FBXL17: variants seen among roughly 807,000 people sequenced by gnomAD.
The protein encoded by FBXL17 is F-box/LRR-repeat protein 17.
Under a neutral mutation model 66.2 loss-of-function variants are expected in FBXL17, and 22 were observed. That is an observed-to-expected ratio of 0.33 (90% CI 0.24 to 0.47). The LOEUF is 0.47. Ranked by LOEUF, FBXL17 falls within the 20% of genes least tolerant of loss-of-function variation. The pLI, the probability that FBXL17 is intolerant of heterozygous loss-of-function variation, is 1.00. For synonymous variants in FBXL17, 474 were observed against 400.5 expected, an observed-to-expected ratio of 1.18 and a Z score of -2.19; for missense variants, 878 against 948.2, an observed-to-expected ratio of 0.93 and a Z score of 0.97.
chr5:108,209,248 C>T (rs1488416641), intron 5 of FBXL17, among the ~76,000 whole-genome samples: 1 of 152,134 alleles, frequency 6.6e-6, no homozygotes, highest in Non-Finnish European at 1.5e-5. Flanking sequence ...ATAATCATGT[C>T]ATCTTCAAAA....
intron 1 of FBXL17, among the ~76,000 whole-genome samples, chr5:108,378,222 T>G (rs1242752962): frequency 7.0e-6 from 1 of 142,978 alleles, no homozygotes; most frequent in Admixed American, 7.0e-5. Flanking sequence ...TCCTCTGCCA[T>G]AAAAAAAAAA....
intron 5 of FBXL17, among the ~76,000 whole-genome samples, chr5:108,193,380 G>A (rs1753549358): frequency 6.6e-6 from 1 of 152,088 alleles, no homozygotes; most frequent in Non-Finnish European, 1.5e-5. Flanking sequence ...AAAGGGAAAG[G>A]GGTGGTAGCA....
intron 6 of FBXL17, among the ~76,000 whole-genome samples, chr5:108,046,909 T>A (rs1419816031): frequency 6.6e-6 from 1 of 152,206 alleles, no homozygotes; most frequent in East Asian, 1.9e-4. Flanking sequence ...GTCCCTTCCT[T>A]TATTATTTCC....
chr5:108,037,923 T>G (rs1746906709), intron 6 of FBXL17, among the ~76,000 whole-genome samples: 1 of 152,080 alleles, frequency 6.6e-6, no homozygotes. Context: ...ATAAAAAAAC[T>G]GAATTTAAAC....
chr5:108,148,182 A>G (rs1388717317), intron 6 of FBXL17, among the ~76,000 whole-genome samples: 1 of 152,194 alleles, frequency 6.6e-6, no homozygotes, highest in African/African-American at 2.4e-5. Flanking sequence ...AAGTCTGACA[A>G]AAGAGTACAT....
chr5:107,879,738 C>G (rs1748721953), intron 8 of FBXL17: 1 of 985,298 alleles, frequency 1.0e-6, no homozygotes, highest in African/African-American at 1.7e-5. Context: ...AGATTTGTTC[C>G]TAATCACCAT....
At chr5:108,107,412 G>A (rs1415303213) in intron 6 of FBXL17, among the ~76,000 whole-genome samples, 1 of 152,096 alleles carries the variant, frequency 6.6e-6, no homozygotes, top group Admixed American at 6.5e-5. Context: ...ATGAAATAAC[G>A]ACACAAATGC....
Position 108,381,578 on chromosome 5 carries a change from TG to T in FBXL17, c.113del (p.Pro38GlnfsTer320). 1 of 1,449,628 alleles carries T rather than the reference TG, an allele frequency of 6.9e-7. No homozygotes were observed. Among genetic ancestry groups the T allele is most frequent in the Admixed American group, 2.7e-5 (1 of 36,710 alleles). 89.8% of individuals were successfully genotyped at this position (1,449,628 alleles called of 1,614,324 possible). On this transcript the variant is annotated frameshift_variant, in exon 1 of 9. Transcript: ENST00000542267. LOFTEE classifies it high-confidence loss of function. ...CCGCCGGCTGAGGGGGCACCTTGGC[TG>T]GGGTCCGGCGGGGCAGCCTGAGGAG... ...RPLLRLPRRTPAKVPPQPAAP... is the reference protein window; with the variant it reads ...RPLLRLPRRTXAKVPPQPAAP...
intron 5 of FBXL17, among the ~76,000 whole-genome samples, chr5:108,203,415 C>A (rs558540735): frequency 6.6e-6 from 1 of 152,152 alleles, no homozygotes; most frequent in East Asian, 1.9e-4. Flanking sequence ...AAAAAAATAT[C>A]AATTAATGGA....
At chr5:108,114,788 G>A (rs908272881) in intron 6 of FBXL17, among the ~76,000 whole-genome samples, 2 of 152,110 alleles carry the variant, frequency 1.3e-5, no homozygotes, top group African/African-American at 2.4e-5. Flanking sequence ...TAAATTCTTA[G>A]GGTGAACATA....
At chr5:107,918,017 A>G (rs1271836049) in intron 7 of FBXL17, among the ~76,000 whole-genome samples, 2 of 152,236 alleles carry the variant, frequency 1.3e-5, no homozygotes, top group African/African-American at 4.8e-5. Context: ...AACGTTAATA[A>G]CAATCCTCAG....
At chr5:108,132,916 T>C (rs1270201977) in intron 6 of FBXL17, among the ~76,000 whole-genome samples, 1 of 152,112 alleles carries the variant, frequency 6.6e-6, no homozygotes, top group Non-Finnish European at 1.5e-5. Flanking sequence ...TAACCTGGCA[T>C]AGAAACATGG....
chr5:107,965,412 C>T (rs1198186049), intron 7 of FBXL17, among the ~76,000 whole-genome samples: 1 of 152,080 alleles, frequency 6.6e-6, no homozygotes, highest in Non-Finnish European at 1.5e-5. Flanking sequence ...CTGAAAAATA[C>T]CTATTATAAC....
intron 4 of FBXL17, among the ~76,000 whole-genome samples, chr5:108,230,565 C>G (rs951342142): frequency 6.6e-6 from 1 of 151,924 alleles, no homozygotes; most frequent in Admixed American, 6.6e-5. Context: ...TTTGGAGACT[C>G]AGAGGAAAGG....
intron 6 of FBXL17, among the ~76,000 whole-genome samples, chr5:108,067,217 C>T (rs1748147552): frequency 6.6e-6 from 1 of 151,924 alleles, no homozygotes; most frequent in Admixed American, 6.6e-5. Flanking sequence ...GTTAATGACC[C>T]TAACAGTATA....
chr5:107,918,822 C>T (rs548748695), intron 7 of FBXL17, among the ~76,000 whole-genome samples: 1 of 152,296 alleles, frequency 6.6e-6, no homozygotes, highest in Non-Finnish European at 1.5e-5. Context: ...CTTAGCCTTG[C>T]TGCTTTGCTG....
chr5:108,114,244 G>C (rs1320296923), intron 6 of FBXL17, among the ~76,000 whole-genome samples: 9 of 152,028 alleles, frequency 5.9e-5, no homozygotes, highest in African/African-American at 2.2e-4. Flanking sequence ...CTTTACAATT[G>C]TTTATTTATT....
chr5:108,136,664 TC>T (rs1424927394), intron 6 of FBXL17, among the ~76,000 whole-genome samples: 16 of 152,270 alleles, frequency 1.1e-4, no homozygotes, highest in African/African-American at 3.6e-4. Flanking sequence ...AGAAAAAAGT[TC>T]ATAATTATAT....
intron 7 of FBXL17, among the ~76,000 whole-genome samples, chr5:107,959,095 C>T (rs371597918): frequency 3.5e-4 from 54 of 152,174 alleles, no homozygotes; most frequent in South Asian, 1.9e-3. Context: ...ACGCACCACA[C>T]GCCATGATAT....
Sources: gnomAD v4.1 joint callset for allele counts (sites outside exome capture counted in the v4.1 genomes callset) on GRCh38, gnomAD v4.1.1 for gene constraint, MANE v1.5 for transcripts, NCBI Gene and HGNC (gene_info 2026-07-23, HGNC 2026-07-21) for gene names.